RIMS1: variants seen among roughly 807,000 people sequenced by gnomAD.
RIMS1 encodes regulating synaptic membrane exocytosis 1.
In RIMS1, 83 loss-of-function variants were observed where a neutral mutation model predicts 214.1. The ratio of observed to expected loss-of-function variants is 0.39; its 90% CI spans 0.32 to 0.47. The LOEUF (loss-of-function observed/expected upper bound fraction) is 0.47. Ranked by LOEUF, RIMS1 falls within the 20% of genes least tolerant of loss-of-function variation. RIMS1 has a pLI of 0.99. For synonymous variants in RIMS1, 793 were observed against 786.8 expected (o/e 1.01, Z -0.13); for missense variants, 2,050 against 2,161.8 (o/e 0.95, Z 1.03).
chr6:72,110,237 A>G (rs1201379866), intron 4 of RIMS1, among the ~76,000 whole-genome samples: 5 of 152,188 alleles, frequency 3.3e-5, no homozygotes, highest in Non-Finnish European at 7.3e-5. Flanking sequence ...AATTCTGTGA[A>G]GAAAGTCATT....
At chr6:72,104,940 G>C (rs1002832486) in intron 4 of RIMS1, among the ~76,000 whole-genome samples, 2 of 151,904 alleles carry the variant, frequency 1.3e-5, no homozygotes, top group Non-Finnish European at 2.9e-5. Context: ...TATTTATTGA[G>C]TTATTTATTT....
At chr6:72,150,879 C>G (rs1373792757) in intron 4 of RIMS1, among the ~76,000 whole-genome samples, 1 of 152,078 alleles carries the variant, frequency 6.6e-6, no homozygotes, top group Non-Finnish European at 1.5e-5. Context: ...CATTTGATGT[C>G]TTTTTCTGCT....
At chr6:72,329,721 TTTGGTTGG>T (rs1181693964) in intron 28 of RIMS1, among the ~76,000 whole-genome samples, 1 of 151,496 alleles carries the variant, frequency 6.6e-6, no homozygotes, top group Admixed American at 6.6e-5. Flanking sequence ...AGAAAACCAA[TTTGGTTGG>T]TTGGTTGGGT....
chr6:72,317,066 A>C, intron 28 of RIMS1: 1 of 354,364 alleles, frequency 2.8e-6, no homozygotes, highest in Non-Finnish European at 5.5e-6. Context: ...CTCTCAGAGG[A>C]GGGCAGGGGT....
At chr6:71,907,275 A>G (rs926111436) in intron 1 of RIMS1, among the ~76,000 whole-genome samples, 8 of 152,142 alleles carry the variant, frequency 5.3e-5, no homozygotes, top group African/African-American at 1.9e-4. Context: ...ATTTATATAC[A>G]TTATTCATAT....
intron 14 of RIMS1, 42 bp downstream of exon 14, chr6:72,251,134 G>T: frequency 1.3e-6 from 2 of 1,554,998 alleles, no homozygotes; most frequent in East Asian, 2.4e-5. Context: ...AGTTAATAAA[G>T]TTTTGTGATA....
chr6:72,090,950 G>A (rs1374207833), intron 2 of RIMS1, among the ~76,000 whole-genome samples: 1 of 152,130 alleles, frequency 6.6e-6, no homozygotes, highest in Admixed American at 6.5e-5. Flanking sequence ...TAATATCCAT[G>A]CCACTAACTT....
At chr6:72,124,148 G>A (rs947813554) in intron 4 of RIMS1, among the ~76,000 whole-genome samples, 3 of 151,856 alleles carry the variant, frequency 2.0e-5, no homozygotes, top group African/African-American at 7.2e-5. Flanking sequence ...TCCTTCAGGA[G>A]CTCTTTTAGG....
chr6:72,140,276 T>C (rs554002831), intron 4 of RIMS1, among the ~76,000 whole-genome samples: 1 of 152,272 alleles, frequency 6.6e-6, no homozygotes, highest in Admixed American at 6.5e-5. Context: ...CAAGGAACAC[T>C]ATTATTTTAG....
chr6:72,221,378 C>T (rs1467476767), intron 6 of RIMS1, among the ~76,000 whole-genome samples: 1 of 150,264 alleles, frequency 6.7e-6, no homozygotes, highest in African/African-American at 2.4e-5. Flanking sequence ...CAAATAGAAC[C>T]ATAGAACTTC....
At chr6:72,111,299 C>T (rs957341840) in intron 4 of RIMS1, among the ~76,000 whole-genome samples, 10 of 152,106 alleles carry the variant, frequency 6.6e-5, no homozygotes, top group African/African-American at 2.2e-4. Flanking sequence ...TTTTTCTCAT[C>T]ATCTTCACCA....
At chr6:72,105,203 G>C (rs2034494408) in intron 4 of RIMS1, among the ~76,000 whole-genome samples, 1 of 152,000 alleles carries the variant, frequency 6.6e-6, no homozygotes, top group African/African-American at 2.4e-5. Context: ...CAAAGTACTG[G>C]AATTATAAGT....
chr6:72,184,698 G>A (rs955941621), intron 6 of RIMS1, among the ~76,000 whole-genome samples: 1 of 151,788 alleles, frequency 6.6e-6, no homozygotes, highest in African/African-American at 2.4e-5. Flanking sequence ...ATGCCATTAA[G>A]AAAATTATTG....
chr6:72,394,518 C>T lies in RIMS1; in HGVS notation c.4618+1708C>T, dbSNP rs115925444. On this transcript the variant is annotated intron_variant, in intron 31 of 33. Transcript: ENST00000521978. Reference sequence around the variant, plus strand: ...AAGTCAATAATAATATCTAAAACTGCAAAAAGGAAAATATAAGTATAGTGC... The same window carrying T: ...AAGTCAATAATAATATCTAAAACTGTAAAAAGGAAAATATAAGTATAGTGC... 4.0e-3 allele frequency among the ~76,000 whole-genome samples: 613 copies of T among 151,616 alleles called. 3 individuals are homozygous for T. Among genetic ancestry groups the T allele is most frequent in the African/African-American group, 0.014 (583 of 41,364 alleles).
chr6:71,914,194 G>A (rs1777703130), intron 1 of RIMS1, among the ~76,000 whole-genome samples: 1 of 152,108 alleles, frequency 6.6e-6, no homozygotes, highest in East Asian at 1.9e-4. Flanking sequence ...GGTTTGCCAT[G>A]TACCAGGCAG....
At chr6:72,288,431 G>A (rs2154243353) in intron 24 of RIMS1, among the ~76,000 whole-genome samples, 1 of 152,180 alleles carries the variant, frequency 6.6e-6, no homozygotes, top group South Asian at 2.1e-4. Flanking sequence ...TGCTCAGTAA[G>A]GAATAGCTGT....
intron 31 of RIMS1, among the ~76,000 whole-genome samples, chr6:72,395,987 AAT>A (rs2098770784): frequency 6.6e-6 from 1 of 151,878 alleles, no homozygotes; most frequent in Non-Finnish European, 1.5e-5. Context: ...ACTGAAAATA[AAT>A]ATAGTCATAC....
intron 1 of RIMS1, among the ~76,000 whole-genome samples, chr6:71,919,541 C>A (rs1319003372): frequency 6.6e-6 from 1 of 151,954 alleles, no homozygotes; most frequent in African/African-American, 2.4e-5. Context: ...AAGACTGGCA[C>A]TTGGGAGTCA....
At chr6:72,351,745 G>T (rs1314227445) in intron 29 of RIMS1, among the ~76,000 whole-genome samples, 2 of 152,156 alleles carry the variant, frequency 1.3e-5, no homozygotes, top group African/African-American at 4.8e-5. Context: ...ATAATTGCCT[G>T]TAAATATCCA....
Sources: gnomAD v4.1 joint callset for allele counts (sites outside exome capture counted in the v4.1 genomes callset) on GRCh38, gnomAD v4.1.1 for gene constraint, MANE v1.5 for transcripts, NCBI Gene and HGNC (gene_info 2026-07-23, HGNC 2026-07-21) for gene names.